The following DYNC1LI1 variants were observed in gnomAD, a reference collection of about 807,000 sequenced individuals.
The protein encoded by DYNC1LI1 is dynein cytoplasmic 1 light intermediate chain 1.
DYNC1LI1 carries 19 observed loss-of-function variants against 63.8 expected under a neutral mutation model. The observed-to-expected ratio is 0.30, with a 90% confidence interval of 0.21 to 0.44. DYNC1LI1 has a LOEUF of 0.44. Among genes scored for constraint, DYNC1LI1 ranks in the 20% least tolerant of loss-of-function variants. DYNC1LI1 has a pLI of 1.00. For missense variants in DYNC1LI1, 565 were observed against 630.2 expected, an observed-to-expected ratio of 0.90 and a Z score of 1.11; for synonymous variants, 225 against 232.3, an observed-to-expected ratio of 0.97 and a Z score of 0.28.
intron 6 of DYNC1LI1, among the ~76,000 whole-genome samples, chr3:32,535,322 T>G (rs548594440): frequency 5.9e-5 from 9 of 152,364 alleles, no homozygotes; most frequent in Non-Finnish European, 1.2e-4. Context: ...AAGACATCCA[T>G]GGACAATGTG....
At chr3:32,561,167 A>G (rs1559444543) in intron 2 of DYNC1LI1, among the ~76,000 whole-genome samples, 1 of 152,080 alleles carries the variant, frequency 6.6e-6, no homozygotes, top group East Asian at 1.9e-4. Flanking sequence ...TAGGAGGTCA[A>G]AGTCACACTA....
chr3:32,533,552 T>A (rs1423567715), intron 7 of DYNC1LI1, among the ~76,000 whole-genome samples: 1 of 150,742 alleles, frequency 6.6e-6, no homozygotes, highest in Non-Finnish European at 1.5e-5. Flanking sequence ...TACCTCCCAA[T>A]TTTATACGGT....
chr3:32,565,753 G>A (rs901848427), intron 2 of DYNC1LI1, among the ~76,000 whole-genome samples: 7 of 152,094 alleles, frequency 4.6e-5, no homozygotes, highest in South Asian at 2.1e-4. Context: ...GGGACTACAG[G>A]AGCCACCACT....
At chr3:32,547,479 AC>A (rs200753273) in intron 2 of DYNC1LI1, among the ~76,000 whole-genome samples, 6,739 of 152,240 alleles carry the variant, frequency 0.044, 188 homozygotes, top group Middle Eastern at 0.075. Context: ...GCTAAAAAAA[AC>A]ATATATGTCT....
chr3:32,550,112 G>GATTT (rs1208061865), intron 2 of DYNC1LI1, among the ~76,000 whole-genome samples: 1 of 152,146 alleles, frequency 6.6e-6, no homozygotes. Context: ...ATTCAGAACA[G>GATTT]ATTTTGAGCC....
intron 2 of DYNC1LI1, among the ~76,000 whole-genome samples, chr3:32,555,792 T>C (rs1698106937): frequency 6.6e-6 from 1 of 152,226 alleles, no homozygotes; most frequent in African/African-American, 2.4e-5. Flanking sequence ...ATCTGCAACT[T>C]ACACTGAAAT....
At chr3:32,554,339 A>G (rs918300054) in intron 2 of DYNC1LI1, among the ~76,000 whole-genome samples, 2 of 152,234 alleles carry the variant, frequency 1.3e-5, no homozygotes, top group African/African-American at 4.8e-5. Flanking sequence ...AATTTGAAAA[A>G]GGAAAGAGCA....
At chr3:32,561,955 GAAA>G (rs1698200818) in intron 2 of DYNC1LI1, among the ~76,000 whole-genome samples, 1 of 151,798 alleles carries the variant, frequency 6.6e-6, no homozygotes, top group South Asian at 2.1e-4. Context: ...TTATTTTTAA[GAAA>G]AAAATATTCA....
rs1406375154 is a variant in DYNC1LI1, at chr3:32,544,992, T to A, written c.452A>T (p.Asp151Val). ...LKDTLVMLVV[D>V]MSKPWTALDS... ...CAAAGCAGTCCAAGGCTTTGACATG[T>A]CAACAACCAGCATAACTAGAGTATC... Residue 151 changes from aspartate (D) to valine (V), a missense_variant, in exon 4 of 13, where the codon GAC (aspartate) becomes GTC (valine). Transcript: ENST00000273130. 1.2e-6 allele frequency: 2 copies of A among 1,614,106 alleles called. No homozygotes were observed. Among genetic ancestry groups the A allele is most frequent in the Non-Finnish European group, 1.7e-6 (2 of 1,179,952 alleles).
intron 6 of DYNC1LI1, among the ~76,000 whole-genome samples, chr3:32,535,412 C>A (rs1164843258): frequency 3.3e-5 from 5 of 152,140 alleles, no homozygotes; most frequent in Non-Finnish European, 7.4e-5. Context: ...CCTTGTTTCT[C>A]CAAGGGAGAT....
At chr3:32,563,171 T>C (rs1698215478) in intron 2 of DYNC1LI1, among the ~76,000 whole-genome samples, 1 of 151,994 alleles carries the variant, frequency 6.6e-6, no homozygotes, top group Non-Finnish European at 1.5e-5. Context: ...ATGTCTCTAA[T>C]AAATGTTTGG....
At chr3:32,553,652 C>G (rs1352084565) in intron 2 of DYNC1LI1, among the ~76,000 whole-genome samples, 1 of 152,170 alleles carries the variant, frequency 6.6e-6, no homozygotes, top group Non-Finnish European at 1.5e-5. Flanking sequence ...TCTACAGAAG[C>G]AGCAAGCAGC....
At chr3:32,570,153 G>A (rs1161729179) in intron 2 of DYNC1LI1, 193 bp downstream of exon 2, 2 of 695,928 alleles carry the variant, frequency 2.9e-6, no homozygotes, top group East Asian at 5.5e-5. Context: ...GAGGGAGGGC[G>A]GGTCCCCGCA....
chr3:32,532,901 CT>C, intron 8 of DYNC1LI1, 84 bp downstream of exon 8: 2 of 1,416,276 alleles, frequency 1.4e-6, no homozygotes, highest in Non-Finnish European at 1.8e-6. Context: ...ACATTTTTGC[CT>C]TTCTACATTT....
intron 2 of DYNC1LI1, among the ~76,000 whole-genome samples, chr3:32,555,895 G>A (rs1190208897): frequency 1.3e-5 from 2 of 152,182 alleles, no homozygotes; most frequent in East Asian, 1.9e-4. Flanking sequence ...AGATATATGC[G>A]TATTAACTGT....
At chr3:32,534,671 T>C in intron 6 of DYNC1LI1, 25 bp from the exon 7 acceptor site, 1 of 1,511,704 alleles carries the variant, frequency 6.6e-7, no homozygotes, top group South Asian at 1.4e-5. Context: ...TAAAGAAAAA[T>C]TCTGGACAAA....
At chr3:32,529,215 T>G (rs1049911130) in intron 11 of DYNC1LI1, among the ~76,000 whole-genome samples, 4 of 152,226 alleles carry the variant, frequency 2.6e-5, no homozygotes, top group African/African-American at 9.6e-5. Context: ...CAATTATTCC[T>G]ACAGAAATAA....
Position 32,526,728 on chromosome 3 carries a change from T to G in DYNC1LI1, c.*71A>C. 1 of 1,201,554 alleles carries G rather than the reference T, an allele frequency of 8.3e-7. No individual in the cohort carries two copies. The highest frequency in any genetic ancestry group is 1.2e-6 in the Non-Finnish European group (1 of 819,378). 74.4% of individuals were successfully genotyped at this position (1,201,554 alleles called of 1,614,324 possible). A position where few individuals can be genotyped will look rare whatever the true frequency, so the allele number is the denominator to read the frequency against. On this transcript the variant is annotated 3_prime_UTR_variant, in exon 13 of 13. Transcript: ENST00000273130. ...AAGCACTCCAGCTTTCTAATTCCAC[T>G]TTTGAAGGAAAAGGCAGAGGCATGT...
At chr3:32,551,968 G>A (rs945125364) in intron 2 of DYNC1LI1, among the ~76,000 whole-genome samples, 8 of 152,200 alleles carry the variant, frequency 5.3e-5, no homozygotes, top group Non-Finnish European at 1.2e-4. Flanking sequence ...CTTCCTTCAA[G>A]GCTCAGCTTC....
Sources: allele counts gnomAD v4.1 joint callset (sites outside exome capture counted in the v4.1 genomes callset), GRCh38; gene constraint gnomAD v4.1.1; transcripts MANE v1.5; gene names NCBI Gene and HGNC (gene_info 2026-07-23, HGNC 2026-07-21).